Variants in AFG1L observed in about 807,000 individuals in gnomAD.
AFG1L encodes the protein AFG1 like ATPase, also known as AFG1-like ATPase.
A neutral mutation model predicts 62.2 loss-of-function variants in AFG1L; 53 were observed. The observed-to-expected ratio is 0.85, with a 90% confidence interval of 0.68 to 1.07. The LOEUF (loss-of-function observed/expected upper bound fraction) is 1.07. AFG1L is among the 50% of genes least tolerant of loss of function. The probability of loss-of-function intolerance (pLI) is 0.00; values close to 1 mark genes in which losing one functional copy is unlikely to be tolerated. For missense variants in AFG1L, 555 were observed against 590.5 expected, an observed-to-expected ratio of 0.94 and a Z score of 0.62; for synonymous variants, 228 against 210.3, an observed-to-expected ratio of 1.08 and a Z score of -0.73.
chr6:108,339,006 A>G (rs533916763), intron 2 of AFG1L, among the ~76,000 whole-genome samples: 27 of 151,908 alleles, frequency 1.8e-4, no homozygotes, highest in Non-Finnish European at 2.8e-4. Context: ...AAACTTTCAG[A>G]TTTTTGCCAT....
intron 1 of AFG1L, among the ~76,000 whole-genome samples, chr6:108,295,539 G>A (rs1200130656): frequency 6.6e-6 from 1 of 152,068 alleles, no homozygotes; most frequent in East Asian, 1.9e-4. Flanking sequence ...GGGGCCTGGG[G>A]ACCCCTACCC....
intron 2 of AFG1L, among the ~76,000 whole-genome samples, chr6:108,336,693 G>A (rs1309507064): frequency 3.3e-5 from 5 of 152,148 alleles, no homozygotes; most frequent in African/African-American, 1.2e-4. Flanking sequence ...AAGTAATACA[G>A]TAGTCACCTT....
intron 10 of AFG1L, among the ~76,000 whole-genome samples, chr6:108,494,439 C>G (rs548003106): frequency 4.7e-5 from 7 of 150,454 alleles, no homozygotes; most frequent in Admixed American, 2.0e-4. Flanking sequence ...ATGCCCCCCC[C>G]ACCCCGCAAA....
At chr6:108,297,611 T>TCC (rs1776814197) in intron 1 of AFG1L, among the ~76,000 whole-genome samples, 1 of 151,904 alleles carries the variant, frequency 6.6e-6, no homozygotes, top group Admixed American at 6.6e-5. Context: ...TCCTGGCACT[T>TCC]TGGAAGCCTG....
At chr6:108,328,161 A>G (rs893649288) in intron 2 of AFG1L, among the ~76,000 whole-genome samples, 6 of 152,256 alleles carry the variant, frequency 3.9e-5, no homozygotes, top group Non-Finnish European at 7.3e-5. Context: ...TGTGATATAT[A>G]TATAGGGATA....
At chr6:108,353,444 C>G (rs752535001) in intron 3 of AFG1L, among the ~76,000 whole-genome samples, 1 of 152,318 alleles carries the variant, frequency 6.6e-6, no homozygotes, top group East Asian at 1.9e-4. Context: ...GCATGAACCA[C>G]TGCACTTGGC....
intron 7 of AFG1L, among the ~76,000 whole-genome samples, chr6:108,421,265 C>G (rs887535135): frequency 6.6e-6 from 1 of 152,112 alleles, no homozygotes; most frequent in Admixed American, 6.6e-5. Context: ...TGTGTCAAAA[C>G]TAACAGAATC....
At chr6:108,440,664 A>G (rs1771505647) in intron 7 of AFG1L, among the ~76,000 whole-genome samples, 1 of 151,948 alleles carries the variant, frequency 6.6e-6, no homozygotes, top group Non-Finnish European at 1.5e-5. Flanking sequence ...ACTAAAAAAT[A>G]CAAAAATTAG....
intron 7 of AFG1L, among the ~76,000 whole-genome samples, chr6:108,419,690 T>C (rs1770500394): frequency 6.6e-6 from 1 of 152,172 alleles, no homozygotes; most frequent in Non-Finnish European, 1.5e-5. Flanking sequence ...ATCATATCTT[T>C]TACTTGGTTG....
intron 10 of AFG1L, among the ~76,000 whole-genome samples, chr6:108,478,103 A>G (rs1275970294): frequency 6.6e-6 from 1 of 152,196 alleles, no homozygotes; most frequent in Non-Finnish European, 1.5e-5. Flanking sequence ...GGAAAAGACA[A>G]AATACTTATA....
chr6:108,451,187 A>G (rs1190549249), intron 8 of AFG1L, among the ~76,000 whole-genome samples: 1 of 152,206 alleles, frequency 6.6e-6, no homozygotes, highest in Non-Finnish European at 1.5e-5. Flanking sequence ...CTTCTAGGGG[A>G]ACACCAAGCG....
intron 8 of AFG1L, among the ~76,000 whole-genome samples, chr6:108,469,951 AG>A (rs1402387882): frequency 1.3e-5 from 2 of 152,154 alleles, no homozygotes; most frequent in Admixed American, 1.3e-4. Flanking sequence ...AGAGAATCTA[AG>A]GAACTGTCTT....
chr6:108,410,736 A>AT (rs777171230), intron 7 of AFG1L, among the ~76,000 whole-genome samples: 14 of 152,160 alleles, frequency 9.2e-5, no homozygotes, highest in Non-Finnish European at 1.8e-4. Flanking sequence ...GACAATAAAA[A>AT]TTTTTATCAT....
At chr6:108,415,031 C>T (rs1368581581) in intron 7 of AFG1L, among the ~76,000 whole-genome samples, 4 of 152,290 alleles carry the variant, frequency 2.6e-5, no homozygotes, top group African/African-American at 7.2e-5. Context: ...CCCATCGTCT[C>T]AGCCCAAAAT....
chr6:108,334,984 T>G (rs552606397), intron 2 of AFG1L, among the ~76,000 whole-genome samples: 22 of 152,142 alleles, frequency 1.4e-4, no homozygotes, highest in African/African-American at 5.1e-4. Context: ...TGGTAGATAT[T>G]GTATTTCTTT....
intron 6 of AFG1L, chr6:108,392,287 C>G (rs1425047279): frequency 6.6e-6 from 1 of 152,300 alleles, no homozygotes; most frequent in Non-Finnish European, 1.5e-5. Context: ...CCTTCGCTTT[C>G]TGATCATTAA....
intron 6 of AFG1L, among the ~76,000 whole-genome samples, chr6:108,394,073 C>T (rs1226688981): frequency 3.5e-5 from 5 of 144,560 alleles, no homozygotes; most frequent in African/African-American, 1.3e-4. Flanking sequence ...TCCTTTCCTT[C>T]CTTTTCTCTC....
At chr6:108,424,788 A>AGG (rs1770742941) in intron 7 of AFG1L, among the ~76,000 whole-genome samples, 1 of 152,126 alleles carries the variant, frequency 6.6e-6, no homozygotes. Context: ...GGAGGAGGAA[A>AGG]GGATGAGATA....
At chr6:108,384,381 A>C (rs1780676557) in intron 6 of AFG1L, among the ~76,000 whole-genome samples, 1 of 152,222 alleles carries the variant, frequency 6.6e-6, no homozygotes, top group Non-Finnish European at 1.5e-5. Context: ...TATGCAGGGC[A>C]GACTAACAGC....
Sources: allele counts gnomAD v4.1 joint callset (sites outside exome capture counted in the v4.1 genomes callset), GRCh38; gene constraint gnomAD v4.1.1; transcripts MANE v1.5; gene names NCBI Gene and HGNC (gene_info 2026-07-23, HGNC 2026-07-21).